Variants in APBB1 observed in about 807,000 individuals in gnomAD.
APBB1 encodes the protein adaptor protein FE65a2.
APBB1 carries 22 observed loss-of-function variants against 78.4 expected under a neutral mutation model. That is an observed-to-expected ratio of 0.28 (90% CI 0.20 to 0.40). APBB1 has a LOEUF of 0.40. Ranked by LOEUF, APBB1 falls within the 10% of genes least tolerant of loss-of-function variation. APBB1 has a pLI of 1.00. For synonymous variants in APBB1, 369 were observed against 372.7 expected (o/e 0.99, Z 0.12); for missense variants, 749 against 932.4 (o/e 0.80, Z 2.56).
At chr11:6,408,949 CT>C (rs905387812) in intron 2 of APBB1, among the ~76,000 whole-genome samples, 38 of 151,410 alleles carry the variant, frequency 2.5e-4, no homozygotes, top group African/African-American at 8.2e-4. Flanking sequence ...TCAATCCAGC[CT>C]TTTTTTGGCA....
intron 2 of APBB1, chr11:6,404,905 C>G: frequency 1.3e-6 from 2 of 1,488,586 alleles, no homozygotes; most frequent in South Asian, 2.6e-5. Context: ...AAGCTCATCC[C>G]GCCCCCTTCT....
intron 1 of APBB1, among the ~76,000 whole-genome samples, chr11:6,415,879 G>T (rs766798874): frequency 6.6e-6 from 1 of 151,784 alleles, no homozygotes; most frequent in African/African-American, 2.4e-5. Context: ...TAGGATCCAC[G>T]GTCTCCCAAC....
chr11:6,399,256 GA>G (rs1340667658), intron 12 of APBB1, among the ~76,000 whole-genome samples: 7 of 152,094 alleles, frequency 4.6e-5, no homozygotes, highest in Admixed American at 6.6e-5. Flanking sequence ...CTCCAGCCCA[GA>G]CCTCTCCTCT....
chr11:6,419,212 C>A (rs1430626903), upstream of APBB1: 5 of 307,016 alleles, frequency 1.6e-5, no homozygotes, highest in Non-Finnish European at 2.4e-5. Context: ...TTCTTGGGGG[C>A]CTCACCCTGC....
Position 6,403,080 on chromosome 11 carries a change from C to T in APBB1, c.1104+65G>A, listed in dbSNP as rs1184032812. The T allele has an allele frequency of 1.3e-6, 2 of 1,485,680 alleles. No individual in the cohort carries two copies. The highest frequency in any genetic ancestry group is 2.8e-5 in the African/African-American group (2 of 71,462). 92.0% of individuals were successfully genotyped at this position (1,485,680 alleles called of 1,614,324 possible). ...TGCGCTGAGACCCCTCAGAGCACAA[C>T]ATTAGGGGCTGTCTGACAAATAAGA... On this transcript the variant is annotated intron_variant, in intron 6 of 14. Coordinates refer to ENST00000609360, the MANE Select transcript of APBB1 (RefSeq NM_001164.5). This position sits in a 1 kb window ranked among gnomAD's most constrained non-coding sequence, Gnocchi z 5.3.
chr11:6,416,041 C>T (rs1236691098), intron 1 of APBB1, among the ~76,000 whole-genome samples: 2 of 152,130 alleles, frequency 1.3e-5, no homozygotes, highest in East Asian at 3.9e-4. Flanking sequence ...ACTCCCAACA[C>T]GACTCAGTAA....
intron 1 of APBB1, among the ~76,000 whole-genome samples, chr11:6,414,071 C>T (rs962672944): frequency 2.6e-5 from 4 of 151,878 alleles, no homozygotes; most frequent in African/African-American, 7.3e-5. Flanking sequence ...CGCCTGCACT[C>T]GTTCGCAGAC....
chr11:6,416,685 G>C (rs558676282), intron 1 of APBB1, among the ~76,000 whole-genome samples: 2 of 151,722 alleles, frequency 1.3e-5, no homozygotes, highest in East Asian at 3.9e-4. Flanking sequence ...AAAATTTCTG[G>C]ACTTCATCTA....
At chr11:6,402,481 C>T in intron 7 of APBB1, 95 bp downstream of exon 7, 2 of 1,393,440 alleles carry the variant, frequency 1.4e-6, no homozygotes, top group Non-Finnish European at 2.0e-6. Flanking sequence ...ATCCCCCTTC[C>T]CCAGCCTGCT....
chr11:6,405,165 T>C (rs2134086251), intron 2 of APBB1: 1 of 1,171,200 alleles, frequency 8.5e-7, no homozygotes, highest in Non-Finnish European at 1.1e-6. Context: ...GTCTTAGGGA[T>C]ACCAGGAGAC....
chr11:6,410,707 T>A lies in APBB1; in HGVS notation c.641A>T (p.Asn214Ile). The A allele has an allele frequency of 1.3e-6, 2 of 1,550,324 alleles. No homozygotes were observed. The highest frequency in any genetic ancestry group is 2.5e-5 in the South Asian group (2 of 79,518). Residue 214 changes from asparagine to isoleucine, a missense_variant, in exon 2 of 15, where the codon AAC (asparagine) becomes ATC (isoleucine). Physicochemically the swap from Asn to Ile is moderately radical, Grantham distance 149. Coordinates refer to ENST00000609360, the MANE Select transcript of APBB1 (RefSeq NM_001164.5). ...TGAGTCCTCATCACTGGCTGCACTG[T>A]TCCGCATGCCAAACAGGAGGCTGGC... ...KSASLLFGMR[N>I]SAASDEDSSW... is the part of the protein sequence containing the mutation.
intron 7 of APBB1, 45 bp from the exon 8 acceptor site, chr11:6,402,254 G>A (rs1407971614): frequency 1.2e-6 from 2 of 1,606,166 alleles, no homozygotes; most frequent in South Asian, 2.2e-5. Flanking sequence ...CAGCCAGGAT[G>A]GTGGCTGATC....
Position 6,403,508 on chromosome 11 carries a change from C to T in APBB1, c.934G>A (p.Glu312Lys), listed in dbSNP as rs765335625. ...CCCACCTTCCAAAATTCTCCATCCT[C>T]AAAGCCTTCTCCATGAGCAAAACCT... ...WTGFAHGEGFEDGEFWKDEPS... is the reference protein window; with the variant it reads ...WTGFAHGEGFKDGEFWKDEPS... Residue 312 changes from glutamate to lysine, a missense_variant, in exon 4 of 15, where the codon GAG (glutamate) becomes AAG (lysine). Around this residue, in one of 3 missense-constraint regions of APBB1, gnomAD observed 635 missense variants for 765.0 expected, o/e 0.83. Coordinates refer to ENST00000609360, the MANE Select transcript of APBB1 (RefSeq NM_001164.5). The surrounding 1 kb of genome is among the most constrained non-coding windows in gnomAD (Gnocchi z 5.3). 11 of 1,614,244 alleles carry T rather than the reference C, an allele frequency of 6.8e-6. No individual in the cohort carries two copies. The highest frequency in any genetic ancestry group is 1.1e-5 in the South Asian group (1 of 91,090).
intron 1 of APBB1, among the ~76,000 whole-genome samples, chr11:6,418,487 G>A (rs1432038876): frequency 6.6e-6 from 1 of 152,226 alleles, no homozygotes; most frequent in African/African-American, 2.4e-5. Flanking sequence ...AATTGGCAGT[G>A]GGAAAACTGC....
At position 6,411,756 on chromosome 11, in the gene APBB1, C is replaced by G. The variant is rs978496124; in HGVS notation, c.-14-395G>C. On this transcript the variant is annotated intron_variant, in intron 1 of 14. Coordinates refer to ENST00000609360, the MANE Select transcript of APBB1 (RefSeq NM_001164.5). This position sits in a 1 kb window ranked among gnomAD's most constrained non-coding sequence, Gnocchi z 5.2. ...GGGACCGGCTCGTGTGTTTTGGACA[C>G]TGATCACTGACTGCCCCTCTCCGGC... Among the ~76,000 whole-genome samples, 2 of 152,188 alleles carry G rather than the reference C, an allele frequency of 1.3e-5. No homozygotes were observed. Among genetic ancestry groups the G allele is most frequent in the African/African-American group, 4.8e-5 (2 of 41,454 alleles).
At chr11:6,418,021 T>C (rs1451564142) in intron 1 of APBB1, among the ~76,000 whole-genome samples, 1 of 152,180 alleles carries the variant, frequency 6.6e-6, no homozygotes, top group African/African-American at 2.4e-5. Context: ...CATTAGCATA[T>C]ATATGAAATT....
chr11:6,404,850 A>G, intron 2 of APBB1: 1 of 1,531,288 alleles, frequency 6.5e-7, no homozygotes, highest in Non-Finnish European at 8.7e-7. Flanking sequence ...CAGCCCCTCC[A>G]GCCCAGCCAG....
At chr11:6,399,149 T>C (rs1051827261) in intron 12 of APBB1, among the ~76,000 whole-genome samples, 4 of 152,148 alleles carry the variant, frequency 2.6e-5, no homozygotes, top group African/African-American at 7.2e-5. Flanking sequence ...TAGCTTCATT[T>C]CCCTTCTCAC....
intron 12 of APBB1, among the ~76,000 whole-genome samples, chr11:6,398,523 T>A (rs1198703673): frequency 1.3e-5 from 2 of 152,148 alleles, no homozygotes; most frequent in Non-Finnish European, 2.9e-5. Context: ...AGCGGAGCAG[T>A]CAAGGGTCAC....
Sources: allele counts gnomAD v4.1 joint callset (sites outside exome capture counted in the v4.1 genomes callset), GRCh38; gene constraint gnomAD v4.1.1; regional missense constraint gnomAD v4.1.1; non-coding constraint Gnocchi (gnomAD v3.1); transcripts MANE v1.5; gene names NCBI Gene and HGNC (gene_info 2026-07-23, HGNC 2026-07-21).